SENP6: variants seen among roughly 807,000 people sequenced by gnomAD.
SENP6 encodes the protein SUMO specific peptidase 6.
Under a neutral mutation model 134.5 loss-of-function variants are expected in SENP6, and 41 were observed. The ratio of observed to expected loss-of-function variants is 0.30; its 90% confidence interval spans 0.24 to 0.40. The LOEUF (loss-of-function observed/expected upper bound fraction) is 0.40, where lower values mean the gene tolerates loss of function less well. SENP6 is among the 10% of genes least tolerant of loss of function. The pLI is 1.00. For synonymous variants in SENP6, 395 were observed against 429.8 expected (o/e 0.92, Z 1.00); for missense variants, 1,248 against 1,312.5 (o/e 0.95, Z 0.76).
chr6:75,675,865 G>T lies in SENP6; in HGVS notation c.1432G>T (p.Asp478Tyr). 1.3e-6 allele frequency: 2 copies of T among 1,580,034 alleles called. No individual in the cohort carries two copies. The highest frequency in any genetic ancestry group is 2.4e-5 in the South Asian group (2 of 84,472). The change falls in exon 13 of 24, where the codon GAC (aspartate) becomes TAC (tyrosine). Residue 478 changes from aspartate to tyrosine, a missense_variant. By Grantham distance (160) the Asp-to-Tyr change is radical. Transcript: ENST00000447266. The part of the protein sequence containing the change: ...DFIKIQLDEP[D>Y]HDPVEIILNT... ...TTTCATTTGTTTTCCTCCAGAACCA[G>T]ACCATGATCCTGTAGAGATTATATT...
chr6:75,668,762 A>G (rs548274992), intron 10 of SENP6, among the ~76,000 whole-genome samples: 1 of 152,358 alleles, frequency 6.6e-6, no homozygotes, highest in African/African-American at 2.4e-5. Context: ...TGTCCAGCAT[A>G]TGAGTTCAGT....
chr6:75,624,871 G>A (rs527498358), intron 3 of SENP6, among the ~76,000 whole-genome samples: 2 of 152,120 alleles, frequency 1.3e-5, no homozygotes, highest in East Asian at 1.9e-4. Flanking sequence ...AGTGGCTCAC[G>A]CCTATAATCC....
At chr6:75,643,352 A>G (rs1770176912) in intron 6 of SENP6, among the ~76,000 whole-genome samples, 1 of 152,228 alleles carries the variant, frequency 6.6e-6, no homozygotes, top group South Asian at 2.1e-4. Flanking sequence ...AAGTAAGTTT[A>G]AAGCCACAAG....
intron 7 of SENP6, among the ~76,000 whole-genome samples, chr6:75,652,692 A>AAAAAAAAAG (rs1770977564): frequency 6.7e-6 from 1 of 149,726 alleles, no homozygotes; most frequent in African/African-American, 2.4e-5. Context: ...TCAAAAAAAA[A>AAAAAAAAAG]AAAAAAAAAA....
chr6:75,640,734 T>C, intron 6 of SENP6, 30 bp downstream of exon 6: 2 of 1,327,482 alleles, frequency 1.5e-6, no homozygotes, highest in Non-Finnish European at 2.1e-6. Flanking sequence ...AATTAGAGCA[T>C]GGATATAGTG....
Position 75,676,052 on chromosome 6 carries a change from CAAGT to C in SENP6, c.1621+3_1621+6del. On this transcript the variant is annotated splice_donor_variant and coding_sequence_variant, in exon 13 of 24. Coordinates refer to ENST00000447266, the MANE Select transcript of SENP6 (RefSeq NM_015571.4). LOFTEE classifies it high-confidence loss of function. ...GATTGTAAAGGAGTAAATAAATTAACAAGTAAGTTGTGTAAAACAGATTATAATA... is the reference window on the plus strand; with the variant it reads ...GATTGTAAAGGAGTAAATAAATTAACAAGTTGTGTAAAACAGATTATAATA... 1.9e-6 allele frequency: 3 copies of C among 1,578,166 alleles called. No individual in the cohort carries two copies. The highest frequency in any genetic ancestry group is 1.4e-5 in the African/African-American group (1 of 73,684).
intron 9 of SENP6, among the ~76,000 whole-genome samples, chr6:75,666,174 C>T (rs987797682): frequency 9.9e-5 from 8 of 80,836 alleles, no homozygotes; most frequent in Non-Finnish European, 1.9e-4. Context: ...ATATATAAAA[C>T]GTATATATGA....
chr6:75,657,960 T>A (rs533403999), intron 7 of SENP6, among the ~76,000 whole-genome samples: 22 of 152,204 alleles, frequency 1.4e-4, no homozygotes, highest in Admixed American at 2.6e-4. Flanking sequence ...TGCCAAAAGA[T>A]GGAATTTAAT....
intron 14 of SENP6, 25 bp downstream of exon 14, chr6:75,677,281 AT>A: frequency 7.0e-7 from 1 of 1,422,402 alleles, no homozygotes; most frequent in Non-Finnish European, 9.6e-7. Flanking sequence ...TAATTTAAAA[AT>A]ATTCTTAAAT....
In SENP6 at chr6:75,602,212, G is replaced by T; in HGVS notation, c.-313G>T. The T allele has an allele frequency of 3.3e-6, 1 of 305,384 alleles. No homozygotes were observed. The highest frequency in any genetic ancestry group is 6.0e-6 in the Non-Finnish European group (1 of 167,278). 18.9% of individuals were successfully genotyped at this position (305,384 alleles called of 1,614,324 possible). A position where few individuals can be genotyped will look rare whatever the true frequency, so the allele number is the denominator to read the frequency against. ...CAGGCAGCCTGGGTGGGCGGTGGAT[G>T]GGGAGTCGTGGGCCGAGAGGAACCG... On this transcript the variant is annotated 5_prime_UTR_variant, in exon 1 of 24. The change abolishes an upstream ATG in the 5' untranslated region. Coordinates refer to ENST00000447266, the MANE Select transcript of SENP6 (RefSeq NM_015571.4).
intron 1 of SENP6, among the ~76,000 whole-genome samples, chr6:75,615,391 G>T (rs936235245): frequency 6.6e-6 from 1 of 151,868 alleles, no homozygotes; most frequent in Admixed American, 6.6e-5. Context: ...CATTGGCCAG[G>T]CTAGTCTCAA....
Position 75,659,336 on chromosome 6 carries a change from C to G in SENP6, c.625C>G (p.Arg209Gly). 1 of 1,610,934 alleles carries G rather than the reference C, an allele frequency of 6.2e-7. No homozygotes were observed. The highest frequency in any genetic ancestry group is 8.5e-7 in the Non-Finnish European group (1 of 1,177,368). The change falls in exon 8 of 24, where the codon CGA becomes GGA. Residue 209 changes from arginine (R) to glycine (G), a missense_variant. This residue lies in a region of SENP6 where 733 missense variants were observed against 725.4 expected (regional missense o/e 1.01). Coordinates refer to ENST00000447266, the MANE Select transcript of SENP6 (RefSeq NM_015571.4). ...PEIKRKVQQK[R>G]HCSTYQPTPP... ...AATTAAGAGGAAAGTACAACAGAAA[C>G]GACACTGTAGTACCTATCAGCCTAC...
At chr6:75,651,819 T>C (rs575531877) in intron 7 of SENP6, among the ~76,000 whole-genome samples, 2 of 152,332 alleles carry the variant, frequency 1.3e-5, no homozygotes, top group Non-Finnish European at 2.9e-5. Context: ...ATCTAGTTTT[T>C]ACACTCTCAT....
chr6:75,609,801 T>TG (rs1371860843), intron 1 of SENP6, among the ~76,000 whole-genome samples: 2 of 152,162 alleles, frequency 1.3e-5, no homozygotes, highest in Non-Finnish European at 2.9e-5. Context: ...ATGGAGTAGA[T>TG]GGAGTCTCGG....
intron 3 of SENP6, among the ~76,000 whole-genome samples, chr6:75,631,922 T>C (rs936574322): frequency 2.0e-5 from 3 of 152,170 alleles, no homozygotes; most frequent in African/African-American, 7.2e-5. Context: ...GGATGAAGCA[T>C]TGATGAAACC....
chr6:75,633,610 T>C lies in SENP6; in HGVS notation c.237T>C (p.Asn79=). The C allele has an allele frequency of 6.2e-7, 1 of 1,601,338 alleles. No individual in the cohort carries two copies. Among genetic ancestry groups the C allele is most frequent in the Non-Finnish European group, 8.5e-7 (1 of 1,176,606 alleles). ...ATCGTCGATCTGAAATTGTTGCTAA[T>C]AGCTCTGGTGAATTCATCTTGAAGA... The part of the protein sequence containing the change: ...KLNRRSEIVA[N]SSGEFILKTY... The change falls in exon 4 of 24, where the codon AAT becomes AAC. Residue 79 remains asparagine, a synonymous_variant. Transcript: ENST00000447266.
chr6:75,681,842 A>G (rs2149882850), intron 16 of SENP6, among the ~76,000 whole-genome samples: 1 of 152,270 alleles, frequency 6.6e-6, no homozygotes, highest in African/African-American at 2.4e-5. Context: ...CAGCCTGGGC[A>G]ACATAGCAAA....
intron 18 of SENP6, among the ~76,000 whole-genome samples, chr6:75,700,346 C>A (rs1386771527): frequency 6.6e-6 from 1 of 152,086 alleles, no homozygotes; most frequent in Non-Finnish European, 1.5e-5. Context: ...TCTTCTTAGG[C>A]CAAAAAGGAT....
intron 19 of SENP6, among the ~76,000 whole-genome samples, chr6:75,704,588 A>G (rs931077771): frequency 1.3e-5 from 2 of 152,248 alleles, no homozygotes; most frequent in African/African-American, 4.8e-5. Flanking sequence ...GGCAGGAGAC[A>G]GTGGCCTTCC....
Sources: gnomAD v4.1 joint callset for allele counts (sites outside exome capture counted in the v4.1 genomes callset) on GRCh38, gnomAD v4.1.1 for gene constraint, gnomAD v4.1.1 regional missense constraint, MANE v1.5 for transcripts, NCBI Gene and HGNC (gene_info 2026-07-23, HGNC 2026-07-21) for gene names.